Variants in SKI observed in about 807,000 individuals in gnomAD.
The protein encoded by SKI is ski oncogene.
In SKI, 23 loss-of-function variants were observed where a neutral mutation model predicts 59.3. That is an observed-to-expected ratio of 0.39 (90% CI 0.28 to 0.55). The LOEUF (loss-of-function observed/expected upper bound fraction) is 0.55. SKI is among the 20% of genes least tolerant of loss of function. The pLI is 0.67. For missense variants in SKI, 1,017 were observed against 1,038.9 expected (o/e 0.98, Z 0.29); for synonymous variants, 673 against 488.6 (o/e 1.38, Z -4.98).
At chr1:2,299,983 G>C (rs530824900) in intron 1 of SKI, among the ~76,000 whole-genome samples, 1 of 152,336 alleles carries the variant, frequency 6.6e-6, no homozygotes, top group East Asian at 1.9e-4. Context: ...TTGGGCCACC[G>C]CCTCTGCATA....
Position 2,229,597 on chromosome 1 carries a change from C to T in SKI, c.831C>T (p.Asp277=), listed in dbSNP as rs767136197. 1 of 1,612,550 alleles carries T rather than the reference C, an allele frequency of 6.2e-7. No homozygotes were observed. The highest frequency in any genetic ancestry group is 8.5e-7 in the Non-Finnish European group (1 of 1,179,976). The change falls in exon 1 of 7, where the codon GAC becomes GAT. Residue 277 remains aspartate, a synonymous_variant. Transcript: ENST00000378536. The surrounding 1 kb of genome is among the most constrained non-coding windows in gnomAD (Gnocchi z 6.3). Reference sequence around the variant, plus strand: ...ACCGGACCTGCCACTGGGGCTTCGACTCGGCCAACTGGCGGGCCTACATCC... The same window carrying T: ...ACCGGACCTGCCACTGGGGCTTCGATTCGGCCAACTGGCGGGCCTACATCC... ...LENRTCHWGF[D]SANWRAYILL...
Position 2,270,761 on chromosome 1 carries a change from T to G in SKI, c.970-32217T>G, listed in dbSNP as rs763978769. Among the ~76,000 whole-genome samples, 25 of 152,272 alleles carry G rather than the reference T, an allele frequency of 1.6e-4. No homozygotes were observed. The highest frequency in any genetic ancestry group is 3.2e-4 in the Non-Finnish European group (22 of 67,994). ...TCCCTTCCTCTGGGCCCCTGGACTC[T>G]GGGGGCGAGGGCAGGGCTGTTTGGC... On this transcript the variant is annotated intron_variant, in intron 1 of 6. Transcript: ENST00000378536. The surrounding 1 kb of genome is among the most constrained non-coding windows in gnomAD (Gnocchi z 4.1).
intron 1 of SKI, among the ~76,000 whole-genome samples, chr1:2,297,234 G>A (rs748451671): frequency 1.2e-4 from 18 of 152,148 alleles, no homozygotes; most frequent in Non-Finnish European, 2.4e-4. Context: ...AGCCTCCCAA[G>A]GAGCTGGCAT....
chr1:2,300,773 TC>T (rs1184931185), intron 1 of SKI, among the ~76,000 whole-genome samples: 1 of 152,152 alleles, frequency 6.6e-6, no homozygotes, highest in African/African-American at 2.4e-5. Context: ...TCGTCCTGGC[TC>T]CCTGAAGACC....
chr1:2,260,344 T>C (rs1426825322), intron 1 of SKI, among the ~76,000 whole-genome samples: 1 of 152,144 alleles, frequency 6.6e-6, no homozygotes, highest in African/African-American at 2.4e-5. Context: ...TTGCCAGTTA[T>C]TTTAGACTGG....
chr1:2,300,221 G>A (rs1220613524), intron 1 of SKI, among the ~76,000 whole-genome samples: 4 of 152,242 alleles, frequency 2.6e-5, no homozygotes, highest in Non-Finnish European at 5.9e-5. Flanking sequence ...GCGGGGCAGC[G>A]CGGTGTGTCG....
intron 1 of SKI, among the ~76,000 whole-genome samples, chr1:2,285,974 C>T (rs1411904527): frequency 3.4e-5 from 5 of 149,166 alleles, no homozygotes; most frequent in Non-Finnish European, 7.4e-5. Context: ...CCCCGGTTCA[C>T]GCCATTCTCC....
chr1:2,244,443 G>T (rs1638947775), intron 1 of SKI, among the ~76,000 whole-genome samples: 1 of 152,146 alleles, frequency 6.6e-6, no homozygotes, highest in African/African-American at 2.4e-5. Flanking sequence ...ACCTGGGCGT[G>T]GTGGTGTGCA....
Position 2,270,912 on chromosome 1 carries a change from A to C in SKI, c.970-32066A>C, listed in dbSNP as rs1255771500. On this transcript the variant is annotated intron_variant, in intron 1 of 6. Transcript: ENST00000378536. The surrounding 1 kb of genome is among the most constrained non-coding windows in gnomAD (Gnocchi z 4.1). ...CCTGTCCCGGGCCACCCCAGGCTGG[A>C]CCAGCTGCCCATGTCACCAGGCCAG... is the stretch of plus-strand genomic sequence containing the variant. 6.6e-6 allele frequency among the ~76,000 whole-genome samples: 1 copy of C among 152,074 alleles called. No individual in the cohort carries two copies. The highest frequency in any genetic ancestry group is 1.9e-4 in the East Asian group (1 of 5,166).
intron 5 of SKI, among the ~76,000 whole-genome samples, chr1:2,305,776 C>T (rs990973473): frequency 9.2e-5 from 14 of 152,346 alleles, no homozygotes; most frequent in African/African-American, 3.1e-4. Context: ...CCTCAAGTGA[C>T]TGACTCAGGC....
rs1003481275 is a variant in SKI, at chr1:2,309,558, T to C, written c.*2793T>C. 6.6e-6 allele frequency: 1 copy of C among 152,122 alleles called. No homozygotes were observed. Among genetic ancestry groups the C allele is most frequent in the African/African-American group, 2.4e-5 (1 of 41,398 alleles). 9.4% of individuals were successfully genotyped at this position (152,122 alleles called of 1,614,324 possible). On this transcript the variant is annotated 3_prime_UTR_variant, in exon 7 of 7. Transcript: ENST00000378536. The stretch of plus-strand genomic sequence containing the variant: ...GAGTTGTCTTGTTTTCTGGGCTGTT[T>C]TTAACTGAGGAAAAAAAAAATGCTT...
rs2100847287 is a variant in SKI, at chr1:2,267,017, TC to T, written c.970-35959del. On this transcript the variant is annotated intron_variant, in intron 1 of 6. Coordinates refer to ENST00000378536, the MANE Select transcript of SKI (RefSeq NM_003036.4). The surrounding 1 kb of genome is among the most constrained non-coding windows in gnomAD (Gnocchi z 4.1). ...TCGCTGAATTGTGCTGACTGGCACA[TC>T]CATTGTGAGCGGATGTGTTTTCCTT... Among the ~76,000 whole-genome samples, 1 of 152,296 alleles carries T rather than the reference TC, an allele frequency of 6.6e-6. No individual in the cohort carries two copies. Among genetic ancestry groups the T allele is most frequent in the South Asian group, 2.1e-4 (1 of 4,820 alleles).
chr1:2,301,255 G>A (rs764039829), intron 1 of SKI, among the ~76,000 whole-genome samples: 17 of 152,208 alleles, frequency 1.1e-4, no homozygotes, highest in African/African-American at 1.7e-4. Flanking sequence ...CAGGGCCTCC[G>A]CCAGACGTCA....
chr1:2,238,370 C>T (rs1016665199), intron 1 of SKI, among the ~76,000 whole-genome samples: 3 of 151,986 alleles, frequency 2.0e-5, no homozygotes, highest in Non-Finnish European at 2.9e-5. Context: ...CTGCGCTTCC[C>T]TGGAAGGTCG....
At chr1:2,231,314 C>T (rs1201362413) in intron 1 of SKI, among the ~76,000 whole-genome samples, 3 of 152,272 alleles carry the variant, frequency 2.0e-5, no homozygotes, top group African/African-American at 4.8e-5. Flanking sequence ...TCACTGTCTT[C>T]AGAGCTGATG....
rs1553195576 is a variant in SKI at position 2,270,552 on chromosome 1, GGGGGC to G, written c.970-32424_970-32420del. ...TAAAACGGGCAGTGTGCAGTGTTGA[GGGGGC>G]GCTGGGGAAACAAGCTGCCGGCTGA... On this transcript the variant is annotated intron_variant, in intron 1 of 6. Coordinates refer to ENST00000378536, the MANE Select transcript of SKI (RefSeq NM_003036.4). This position sits in a 1 kb window ranked among gnomAD's most constrained non-coding sequence, Gnocchi z 4.1. Among the ~76,000 whole-genome samples the G allele has an allele frequency of 1.4e-4, 21 of 152,204 alleles. No individual in the cohort carries two copies. The highest frequency in any genetic ancestry group is 2.6e-4 in the Non-Finnish European group (18 of 68,018).
intron 1 of SKI, among the ~76,000 whole-genome samples, chr1:2,279,029 G>A (rs892012505): frequency 2.6e-5 from 4 of 152,296 alleles, no homozygotes; most frequent in Admixed American, 6.5e-5. Context: ...GGCTGTGGCC[G>A]TCACTCTGGC....
intron 1 of SKI, among the ~76,000 whole-genome samples, chr1:2,298,347 T>C (rs1202423948): frequency 6.6e-6 from 1 of 152,138 alleles, no homozygotes; most frequent in Non-Finnish European, 1.5e-5. Flanking sequence ...CCTGTGGTTG[T>C]CCCTGGGGTT....
At chr1:2,253,543 C>T (rs575843812) in intron 1 of SKI, among the ~76,000 whole-genome samples, 50 of 152,256 alleles carry the variant, frequency 3.3e-4, no homozygotes, top group Non-Finnish European at 6.3e-4. Flanking sequence ...TCAGCCCTTC[C>T]TGCACATATG....
Sources: gnomAD v4.1 joint callset for allele counts (sites outside exome capture counted in the v4.1 genomes callset) on GRCh38, gnomAD v4.1.1 for gene constraint, Gnocchi (gnomAD v3.1) non-coding constraint, MANE v1.5 for transcripts, NCBI Gene and HGNC (gene_info 2026-07-23, HGNC 2026-07-21) for gene names.